MAP3K21: variants seen among roughly 807,000 people sequenced by gnomAD.
MAP3K21 encodes the protein mitogen-activated protein kinase kinase kinase 21.
MAP3K21 carries 63 observed loss-of-function variants against 86.1 expected under a neutral mutation model. The observed-to-expected ratio is 0.73, with a 90% CI of 0.60 to 0.90. MAP3K21 has a LOEUF of 0.90. MAP3K21 is among the 40% of genes least tolerant of loss of function. MAP3K21 has a pLI of 0.00. For missense variants in MAP3K21, 1,220 were observed against 1,367.7 expected (o/e 0.89, Z 1.70); for synonymous variants, 558 against 564.8 (o/e 0.99, Z 0.17).
intron 1 of MAP3K21, among the ~76,000 whole-genome samples, chr1:233,341,926 G>A (rs1250485331): frequency 6.6e-6 from 1 of 151,718 alleles, no homozygotes; most frequent in Non-Finnish European, 1.5e-5. Context: ...AACAATTATT[G>A]TTTAAAGGTG....
rs73094906 is a variant in MAP3K21, at chr1:233,342,043, T to C, written c.806-4399T>C. 6.4e-3 allele frequency among the ~76,000 whole-genome samples: 976 copies of C among 152,324 alleles called. 11 individuals carry two copies. Among genetic ancestry groups the C allele is most frequent in the African/African-American group, 0.023 (936 of 41,574 alleles). Reference sequence around the variant, plus strand: ...TGTTGTTGTTTCAGCTTTCTGTGGTTTCAGTATGTAGGGTTTAAAGGATTG... The same window carrying C: ...TGTTGTTGTTTCAGCTTTCTGTGGTCTCAGTATGTAGGGTTTAAAGGATTG... On this transcript the variant is annotated intron_variant, in intron 1 of 9. Coordinates refer to ENST00000366624, the MANE Select transcript of MAP3K21 (RefSeq NM_032435.3).
rs1663963771 is a variant in MAP3K21 at position 233,384,010 on chromosome 1, G to C, written c.*1299G>C. 1 of 152,116 alleles carries C rather than the reference G, an allele frequency of 6.6e-6. No homozygotes were observed. The allele number at this position is 152,116 out of a possible 1,614,324, so 9.4% of individuals were successfully genotyped here. A position where few individuals can be genotyped will look rare whatever the true frequency, so the allele number is the denominator to read the frequency against. On this transcript the variant is annotated 3_prime_UTR_variant, in exon 10 of 10. Transcript: ENST00000366624. Reference sequence around the variant, plus strand: ...CCGAGAGCTTGGTAAATTTGCCTTGGTTTCTTATGTTAAATGTATTGTGCT... The same window carrying C: ...CCGAGAGCTTGGTAAATTTGCCTTGCTTTCTTATGTTAAATGTATTGTGCT...
intron 1 of MAP3K21, among the ~76,000 whole-genome samples, chr1:233,337,702 A>G (rs1015247785): frequency 6.6e-6 from 1 of 152,140 alleles, no homozygotes; most frequent in African/African-American, 2.4e-5. Flanking sequence ...TGAGATCTGT[A>G]CACTTTGGCA....
chr1:233,379,624 C>A lies in MAP3K21; in HGVS notation c.2618C>A (p.Thr873Lys). ...RNLPSSFLQQ[T>K]CGNVPYCASS... is the part of the protein sequence containing the mutation. The stretch of plus-strand genomic sequence containing the variant: ...TTGCCGTCTTCCTTCCTACAGCAGA[C>A]ATGTGGGAATGTACCTTACTGTGCT... The change falls in exon 9 of 10, where the codon ACA becomes AAA. Residue 873 changes from threonine to lysine, a missense_variant. Around this residue, in one of 5 missense-constraint regions of MAP3K21, gnomAD observed 632 missense variants for 691.3 expected, o/e 0.91. Coordinates refer to ENST00000366624, the MANE Select transcript of MAP3K21 (RefSeq NM_032435.3). 6.2e-7 allele frequency: 1 copy of A among 1,613,646 alleles called. No individual in the cohort carries two copies. The highest frequency in any genetic ancestry group is 8.5e-7 in the Non-Finnish European group (1 of 1,179,566).
intron 6 of MAP3K21, among the ~76,000 whole-genome samples, chr1:233,375,523 C>G (rs962966164): frequency 2.0e-5 from 3 of 152,150 alleles, no homozygotes; most frequent in Admixed American, 6.5e-5. Flanking sequence ...GTTTGTGCCT[C>G]TAGGTCAAAA....
rs778040401 is a variant in MAP3K21 at position 233,379,126 on chromosome 1, C to T, written c.2120C>T (p.Thr707Met). ...AATVSIEMTP[T>M]NSLSRSPQRK... ...ACAGTCTCCATTGAGATGACTCCTA[C>T]GAATAGTCTGAGTAGATCCCCCCAG... The change falls in exon 9 of 10, where the codon ACG (threonine) becomes ATG (methionine). Residue 707 changes from threonine to methionine, a missense_variant. Around this residue, in one of 5 missense-constraint regions of MAP3K21, gnomAD observed 632 missense variants for 691.3 expected, o/e 0.91. Coordinates refer to ENST00000366624, the MANE Select transcript of MAP3K21 (RefSeq NM_032435.3). 2.0e-5 allele frequency: 32 copies of T among 1,613,994 alleles called. No individual in the cohort carries two copies. Among genetic ancestry groups the T allele is most frequent in the East Asian group, 2.2e-5 (1 of 44,876 alleles).
intron 2 of MAP3K21, among the ~76,000 whole-genome samples, chr1:233,349,364 A>T (rs915417154): frequency 3.3e-5 from 5 of 152,252 alleles, no homozygotes; most frequent in African/African-American, 1.2e-4. Context: ...AATTACATTC[A>T]AAATAATGTA....
intron 1 of MAP3K21, among the ~76,000 whole-genome samples, chr1:233,339,640 G>A (rs1006129928): frequency 6.6e-5 from 10 of 151,642 alleles, no homozygotes; most frequent in African/African-American, 9.7e-5. Flanking sequence ...GTACCATGAT[G>A]CCCAGCCACT....
intron 1 of MAP3K21, among the ~76,000 whole-genome samples, chr1:233,330,047 G>A (rs139881067): frequency 1.3e-5 from 2 of 152,352 alleles, no homozygotes; most frequent in African/African-American, 4.8e-5. Context: ...TACAACAGCT[G>A]GAGGTCTTTC....
At chr1:233,349,181 A>C (rs1390509742) in intron 2 of MAP3K21, among the ~76,000 whole-genome samples, 2 of 152,224 alleles carry the variant, frequency 1.3e-5, no homozygotes, top group African/African-American at 4.8e-5. Context: ...GTGTGTTTTT[A>C]TAAACCGTTA....
intron 9 of MAP3K21, among the ~76,000 whole-genome samples, chr1:233,381,226 G>A (rs1663909544): frequency 6.6e-6 from 1 of 152,156 alleles, no homozygotes; most frequent in East Asian, 1.9e-4. Context: ...GTGAATTTGG[G>A]CGAATCACTT....
At chr1:233,362,428 G>A (rs755844225) in intron 5 of MAP3K21, 135 bp downstream of exon 5, 5 of 930,970 alleles carry the variant, frequency 5.4e-6, no homozygotes, top group African/African-American at 3.3e-5. Context: ...ATCTTCAGCT[G>A]TAGGCTTAGA....
intron 1 of MAP3K21, among the ~76,000 whole-genome samples, chr1:233,336,379 A>G (rs1477416187): frequency 6.6e-6 from 1 of 151,946 alleles, no homozygotes; most frequent in African/African-American, 2.4e-5. Flanking sequence ...TGTCTCTACT[A>G]AAAATACAGA....
chr1:233,382,536 G>GACCAC lies in MAP3K21; in HGVS notation c.2938_2942dup (p.Pro982HisfsTer39). 1 of 1,614,156 alleles carries GACCAC rather than the reference G, an allele frequency of 6.2e-7. No homozygotes were observed. The highest frequency in any genetic ancestry group is 8.5e-7 in the Non-Finnish European group (1 of 1,180,032). Reference sequence around the variant, plus strand: ...ACTGCCTGTGTAGTGGGTCGCCCAGGACCACATCCCACCCAATTCCTCGCT... The same window carrying GACCAC: ...ACTGCCTGTGTAGTGGGTCGCCCAGGACCACACCACATCCCACCCAATTCCTCGCT... On this transcript the variant is annotated frameshift_variant, in exon 10 of 10. Coordinates refer to ENST00000366624, the MANE Select transcript of MAP3K21 (RefSeq NM_032435.3). LOFTEE classifies it low-confidence loss of function (END_TRUNC).
At chr1:233,336,830 A>G (rs551935700) in intron 1 of MAP3K21, among the ~76,000 whole-genome samples, 2 of 152,324 alleles carry the variant, frequency 1.3e-5, no homozygotes, top group East Asian at 1.9e-4. Context: ...CTTATATGTT[A>G]TCTGGGTTGA....
In MAP3K21 at chr1:233,328,619, C is replaced by T. The variant is rs1234573849; in HGVS notation, c.591C>T (p.Cys197=). 2 of 1,496,100 alleles carry T rather than the reference C, an allele frequency of 1.3e-6. No homozygotes were observed. Among genetic ancestry groups the T allele is most frequent in the East Asian group, 2.9e-5 (1 of 34,274 alleles). 92.7% of individuals were successfully genotyped at this position (1,496,100 alleles called of 1,614,324 possible). A position where few individuals can be genotyped will look rare whatever the true frequency, so the allele number is the denominator to read the frequency against. The part of the protein sequence containing the change: ...RGVCLQQPHL[C]LVLEFARGGA... ...TGTGCCTGCAGCAGCCGCACCTCTG[C>T]CTGGTGCTGGAGTTCGCCCGCGGCG... The change falls in exon 1 of 10, where the codon TGC becomes TGT. Residue 197 remains cysteine (C), a synonymous_variant. Transcript: ENST00000366624. The surrounding 1 kb of genome is among the most constrained non-coding windows in gnomAD (Gnocchi z 8.7).
chr1:233,328,140 G>T lies in MAP3K21; in HGVS notation c.112G>T (p.Ala38Ser). 7.0e-7 allele frequency: 1 copy of T among 1,425,286 alleles called. No homozygotes were observed. Among genetic ancestry groups the T allele is most frequent in the Non-Finnish European group, 9.1e-7 (1 of 1,094,882 alleles). 88.3% of individuals were successfully genotyped at this position (1,425,286 alleles called of 1,614,324 possible). Residue 38 changes from alanine (A) to serine (S), a missense_variant, in exon 1 of 10, where the codon GCG becomes TCG. Coordinates refer to ENST00000366624, the MANE Select transcript of MAP3K21 (RefSeq NM_032435.3). The surrounding 1 kb of genome is among the most constrained non-coding windows in gnomAD (Gnocchi z 8.7). ...SSTSSGGSAS[A>S]GAGLWAALYD... The stretch of plus-strand genomic sequence containing the variant: ...CACCTCCTCGGGCGGCTCGGCCTCG[G>T]CGGGCGCGGGGCTGTGGGCCGCGCT...
chr1:233,337,030 T>A (rs931059292), intron 1 of MAP3K21, among the ~76,000 whole-genome samples: 6 of 152,216 alleles, frequency 3.9e-5, no homozygotes, highest in African/African-American at 1.4e-4. Context: ...TTATTTGTGG[T>A]AGTAGGTTTG....
rs71574858 is a variant in MAP3K21 at position 233,371,749 on chromosome 1, T to TTGTGTGTGTGTGTG, written c.1553-267_1553-254dup. Among the ~76,000 whole-genome samples the TTGTGTGTGTGTGTG allele has an allele frequency of 5.4e-4, 80 of 147,776 alleles. 2 individuals are homozygous for TTGTGTGTGTGTGTG. Among genetic ancestry groups the TTGTGTGTGTGTGTG allele is most frequent in the African/African-American group, 2.0e-3 (78 of 39,966 alleles). Reference sequence around the variant, plus strand: ...TGATTCGTGGCTTTCATATTTTCCTTTGTGTGTGTGTGTGTGTGTGTGTGT... The same window carrying TTGTGTGTGTGTGTG: ...TGATTCGTGGCTTTCATATTTTCCTTTGTGTGTGTGTGTGTGTGTGTGTGTGTGTGTGTGTGTGT... On this transcript the variant is annotated intron_variant, in intron 5 of 9. Coordinates refer to ENST00000366624, the MANE Select transcript of MAP3K21 (RefSeq NM_032435.3).
Sources: gnomAD v4.1 joint callset for allele counts (sites outside exome capture counted in the v4.1 genomes callset) on GRCh38, gnomAD v4.1.1 for gene constraint, gnomAD v4.1.1 regional missense constraint, Gnocchi (gnomAD v3.1) non-coding constraint, MANE v1.5 for transcripts, NCBI Gene and HGNC (gene_info 2026-07-23, HGNC 2026-07-21) for gene names.